Variants in NLGN1 observed in about 807,000 individuals in gnomAD.
NLGN1 encodes the protein neuroligin 1, also known as neuroligin-1.
Under a neutral mutation model 65.5 loss-of-function variants are expected in NLGN1, and 12 were observed. That is an observed-to-expected ratio of 0.18 (90% CI 0.12 to 0.30). NLGN1 has a LOEUF of 0.30. Ranked by LOEUF, NLGN1 falls within the 10% of genes least tolerant of loss-of-function variation. The pLI, the probability that NLGN1 is intolerant of heterozygous loss-of-function variation, is 1.00. For synonymous variants in NLGN1, 350 were observed against 359.5 expected, an observed-to-expected ratio of 0.97 and a Z score of 0.30; for missense variants, 750 against 1,007.1, an observed-to-expected ratio of 0.74 and a Z score of 3.46.
chr3:173,668,624 T>C (rs1014244154), intron 3 of NLGN1, among the ~76,000 whole-genome samples: 20 of 150,376 alleles, frequency 1.3e-4, no homozygotes, highest in East Asian at 7.8e-4. Context: ...CTTTTCTTTT[T>C]TTTTTTTTTT....
Position 173,831,078 on chromosome 3 carries a change from T to G in NLGN1, c.646+23246T>G, listed in dbSNP as rs771242263. ...AAAATAATATTTTCACTTAACATCA[T>G]GGTCTCCAATTCCATCCATGTTGTT... On this transcript the variant is annotated intron_variant, in intron 4 of 6. Coordinates refer to ENST00000457714, the Ensembl canonical transcript of NLGN1. Among the ~76,000 whole-genome samples the G allele has an allele frequency of 2.6e-4, 39 of 152,312 alleles. 1 individual carries two copies. Among genetic ancestry groups the G allele is most frequent in the Non-Finnish European group, 4.7e-4 (32 of 68,016 alleles).
intron 3 of NLGN1, among the ~76,000 whole-genome samples, chr3:173,697,211 A>G (rs1055006016): frequency 6.6e-6 from 1 of 152,238 alleles, no homozygotes; most frequent in African/African-American, 2.4e-5. Flanking sequence ...TACTCATAAA[A>G]CAACCTGATG....
At chr3:173,611,373 G>A (rs1560048050) in intron 3 of NLGN1, among the ~76,000 whole-genome samples, 4 of 151,978 alleles carry the variant, frequency 2.6e-5, no homozygotes, top group African/African-American at 9.7e-5. Flanking sequence ...CTTTGAAAGA[G>A]TTATTTTAGA....
At chr3:173,669,991 A>G (rs1229166534) in intron 3 of NLGN1, among the ~76,000 whole-genome samples, 1 of 152,250 alleles carries the variant, frequency 6.6e-6, no homozygotes, top group Non-Finnish European at 1.5e-5. Flanking sequence ...AGGAATATGC[A>G]TGTCTGAAAT....
intron 4 of NLGN1, among the ~76,000 whole-genome samples, chr3:174,072,044 A>G (rs1430355928): frequency 6.6e-6 from 1 of 152,204 alleles, no homozygotes; most frequent in Non-Finnish European, 1.5e-5. Flanking sequence ...AAAGGTGGAA[A>G]AGATGCATAG....
intron 4 of NLGN1, chr3:174,136,595 T>C (rs1203303309): frequency 2.0e-5 from 3 of 152,144 alleles, no homozygotes; most frequent in South Asian, 2.1e-4. Context: ...GGAAGAGATA[T>C]TGTTTTCTTG....
chr3:173,575,616 A>G (rs1301834394), intron 2 of NLGN1, among the ~76,000 whole-genome samples: 4 of 152,198 alleles, frequency 2.6e-5, no homozygotes, highest in African/African-American at 9.6e-5. Context: ...GCTCCAAGCA[A>G]TCTTATTCTG....
chr3:173,597,312 T>G (rs1351513946), intron 2 of NLGN1, among the ~76,000 whole-genome samples: 2 of 152,162 alleles, frequency 1.3e-5, no homozygotes, highest in Non-Finnish European at 2.9e-5. Flanking sequence ...TCACCCACAT[T>G]TTTCTCACCT....
chr3:174,025,629 TA>T, intron 4 of NLGN1, among the ~76,000 whole-genome samples: 2 of 151,942 alleles, frequency 1.3e-5, no homozygotes, highest in African/African-American at 2.4e-5. Context: ...TGCTAGTAAA[TA>T]GGAAAAAAGA....
chr3:174,009,543 A>G (rs542378255), intron 4 of NLGN1, among the ~76,000 whole-genome samples: 1 of 152,262 alleles, frequency 6.6e-6, no homozygotes, highest in African/African-American at 2.4e-5. Context: ...AAGTTCACTC[A>G]GCCAGAAATT....
At chr3:174,156,858 T>G (rs1477558664) in intron 4 of NLGN1, among the ~76,000 whole-genome samples, 1 of 151,670 alleles carries the variant, frequency 6.6e-6, no homozygotes, top group Non-Finnish European at 1.5e-5. Flanking sequence ...ACTATATTTC[T>G]GCACTATAGC....
At chr3:173,725,498 T>C (rs79777138) in intron 3 of NLGN1, among the ~76,000 whole-genome samples, 1 of 152,228 alleles carries the variant, frequency 6.6e-6, no homozygotes, top group Non-Finnish European at 1.5e-5. Context: ...TAGTTTGTAT[T>C]ATTAAAGGGG....
At chr3:173,522,315 A>G (rs1734892307) in intron 2 of NLGN1, among the ~76,000 whole-genome samples, 1 of 152,224 alleles carries the variant, frequency 6.6e-6, no homozygotes, top group Non-Finnish European at 1.5e-5. Context: ...ACAGTATTCC[A>G]TGGTGTATCC....
At chr3:174,184,347 A>G (rs574591546) in intron 4 of NLGN1, among the ~76,000 whole-genome samples, 1 of 77,724 alleles carries the variant, frequency 1.3e-5, no homozygotes, top group East Asian at 4.0e-4. Flanking sequence ...AGAAATATCA[A>G]TAAAAAAGTA....
intron 4 of NLGN1, among the ~76,000 whole-genome samples, chr3:174,041,180 T>A (rs1732224088): frequency 6.6e-6 from 1 of 151,960 alleles, no homozygotes; most frequent in Admixed American, 6.6e-5. Flanking sequence ...CTGTGTGGAT[T>A]TTTTTTAAAT....
chr3:173,803,563 G>A (rs1210038733), intron 3 of NLGN1, among the ~76,000 whole-genome samples: 1 of 152,104 alleles, frequency 6.6e-6, no homozygotes, highest in Admixed American at 6.5e-5. Context: ...AGCCCAGATT[G>A]CACCACTGCA....
At chr3:173,682,082 A>C (rs1191937148) in intron 3 of NLGN1, among the ~76,000 whole-genome samples, 1 of 152,078 alleles carries the variant, frequency 6.6e-6, no homozygotes, top group Non-Finnish European at 1.5e-5. Context: ...TCTGTGGGTA[A>C]TTTGTCTTTA....
At chr3:173,700,888 G>A (rs546104541) in intron 3 of NLGN1, among the ~76,000 whole-genome samples, 1 of 152,298 alleles carries the variant, frequency 6.6e-6, no homozygotes, top group Non-Finnish European at 1.5e-5. Context: ...CACTTTGGGA[G>A]GCCGAGGCGG....
At chr3:174,216,359 T>G (rs1345693482) in intron 4 of NLGN1, among the ~76,000 whole-genome samples, 1 of 152,138 alleles carries the variant, frequency 6.6e-6, no homozygotes, top group Non-Finnish European at 1.5e-5. Context: ...TATGGTGACT[T>G]CTTGTCATGA....
Sources: allele counts gnomAD v4.1 joint callset (sites outside exome capture counted in the v4.1 genomes callset), GRCh38; gene constraint gnomAD v4.1.1; transcripts MANE v1.5; gene names NCBI Gene and HGNC (gene_info 2026-07-23, HGNC 2026-07-21).